Variants in PACRGL observed in about 807,000 individuals in gnomAD.
The protein encoded by PACRGL is PACRG-like protein.
PACRGL carries 38 observed loss-of-function variants against 34.5 expected under a neutral mutation model. The observed-to-expected ratio is 1.10, with a 90% CI of 0.85 to 1.44. The LOEUF (loss-of-function observed/expected upper bound fraction) is 1.44. Among genes scored for constraint, PACRGL ranks in the 40% most tolerant of loss-of-function variants. The pLI is 0.00. For synonymous variants in PACRGL, 128 were observed against 100.1 expected, an observed-to-expected ratio of 1.28 and a Z score of -1.66; for missense variants, 305 against 281.4, an observed-to-expected ratio of 1.08 and a Z score of -0.60.
At chr4:20,711,881 C>T (rs956758343) in intron 5 of PACRGL, among the ~76,000 whole-genome samples, 1 of 151,950 alleles carries the variant, frequency 6.6e-6, no homozygotes, top group Non-Finnish European at 1.5e-5. Flanking sequence ...CTTAACATGC[C>T]TTTAAAATGC....
chr4:20,763,891 C>T, the PACRGL span, among the ~76,000 whole-genome samples: 1 of 152,096 alleles, frequency 6.6e-6, no homozygotes, highest in African/African-American at 2.4e-5. Flanking sequence ...AGTCATTTAG[C>T]AGTATAAATT....
At chr4:20,725,519 G>C (rs543679292) in intron 8 of PACRGL, among the ~76,000 whole-genome samples, 25 of 152,266 alleles carry the variant, frequency 1.6e-4, no homozygotes, top group Non-Finnish European at 2.9e-4. Flanking sequence ...GAAGCATTCA[G>C]ATAATCTCGT....
At chr4:20,759,037 CA>C in the PACRGL span, 1 of 589,192 alleles carries the variant, frequency 1.7e-6, no homozygotes, top group Middle Eastern at 2.6e-4. Context: ...AATAAAAGCA[CA>C]CTATAAACTT....
intron 8 of PACRGL, among the ~76,000 whole-genome samples, chr4:20,741,107 C>T (rs1402746117): frequency 6.6e-6 from 1 of 152,096 alleles, no homozygotes; most frequent in African/African-American, 2.4e-5. Context: ...CTTAGACTCC[C>T]ACACAATAAT....
At chr4:20,743,694 C>G (rs1751723426) in intron 8 of PACRGL, among the ~76,000 whole-genome samples, 1 of 152,102 alleles carries the variant, frequency 6.6e-6, no homozygotes, top group African/African-American at 2.4e-5. Flanking sequence ...CAATACCATT[C>G]AGGACATAGG....
Position 20,721,084 on chromosome 4 carries a change from A to G in PACRGL, c.610-3724A>G, listed in dbSNP as rs188238633. 5.2e-3 allele frequency among the ~76,000 whole-genome samples: 784 copies of G among 152,166 alleles called. 6 individuals are homozygous for G. Among genetic ancestry groups the G allele is most frequent in the Middle Eastern group, 0.024 (7 of 294 alleles). The stretch of plus-strand genomic sequence containing the variant: ...CTTCATTTCATTCATTTGATCTTCA[A>G]TCACTGATACCCTTTCTTCCACTCG... On this transcript the variant is annotated intron_variant, in intron 7 of 8. Transcript: ENST00000503585.
At chr4:20,699,222 GA>G (rs531635952), upstream of PACRGL, among the ~76,000 whole-genome samples, 15 of 129,938 alleles carry the variant, frequency 1.2e-4, no homozygotes, top group South Asian at 2.2e-3. Flanking sequence ...CAGGATATAA[GA>G]TTTTTTTTTT....
chr4:20,737,947 C>T (rs538384063), intron 8 of PACRGL, among the ~76,000 whole-genome samples: 12 of 152,096 alleles, frequency 7.9e-5, no homozygotes, highest in East Asian at 5.8e-4. Context: ...GCCTGAGCAA[C>T]GCAGCCAGAT....
chr4:20,734,701 C>T, downstream of PACRGL: 2 of 1,592,774 alleles, frequency 1.3e-6, no homozygotes, highest in Non-Finnish European at 1.7e-6. Flanking sequence ...TTGTACTGTC[C>T]CCCGGAGCAA....
chr4:20,751,328 T>C (rs563694774), intron 8 of PACRGL, among the ~76,000 whole-genome samples: 132 of 152,292 alleles, frequency 8.7e-4, no homozygotes, highest in African/African-American at 2.8e-3. Context: ...GAAGAAATTC[T>C]TTTGCATATG....
intron 7 of PACRGL, 84 bp downstream of exon 7, chr4:20,713,623 C>A: frequency 8.6e-7 from 1 of 1,159,704 alleles, no homozygotes; most frequent in Non-Finnish European, 1.3e-6. Context: ...AATTTCAAAT[C>A]TTCAACTCAA....
downstream of PACRGL, among the ~76,000 whole-genome samples, chr4:20,735,179 GA>G (rs1180576006): frequency 6.6e-6 from 1 of 152,186 alleles, no homozygotes; most frequent in Non-Finnish European, 1.5e-5. Flanking sequence ...TCTTTAATTA[GA>G]AATCCAGTTA....
Position 20,730,023 on chromosome 4 carries a change from C to CTT in PACRGL, c.*2684_*2685dup, listed in dbSNP as rs1463485614. Reference sequence around the variant, plus strand: ...TCTATGCTAAAAGTGGTAGCTCCAACTTTAAGGGTGGTAGAATAGTTCACA... The same window carrying CTT: ...TCTATGCTAAAAGTGGTAGCTCCAACTTTTTAAGGGTGGTAGAATAGTTCACA... On this transcript the variant is annotated 3_prime_UTR_variant, in exon 9 of 9. Coordinates refer to ENST00000503585, the MANE Select transcript of PACRGL (RefSeq NM_001258345.3). 1 of 1,552,262 alleles carries CTT rather than the reference C, an allele frequency of 6.4e-7. No homozygotes were observed. The highest frequency in any genetic ancestry group is 2.0e-5 in the Admixed American group (1 of 49,756).
chr4:20,753,143 C>T (rs1463468857), downstream of PACRGL, among the ~76,000 whole-genome samples: 1 of 152,074 alleles, frequency 6.6e-6, no homozygotes, highest in African/African-American at 2.4e-5. Context: ...GGTGGGAAGA[C>T]ATTTTGGATA....
intron 1 of PACRGL, chr4:20,702,038 A>G (rs1732405631): frequency 6.8e-6 from 3 of 438,320 alleles, no homozygotes; most frequent in African/African-American, 2.0e-5. Flanking sequence ...GTATACTCAT[A>G]AACTGTAGAA....
intron 7 of PACRGL, chr4:20,718,868 C>T (rs1263166076): frequency 6.6e-6 from 1 of 152,252 alleles, no homozygotes; most frequent in Non-Finnish European, 1.5e-5. Context: ...GGAGGATTCC[C>T]TCTTTTTCTA....
chr4:20,752,261 G>A (rs894129051), intron 8 of PACRGL, among the ~76,000 whole-genome samples: 2 of 151,734 alleles, frequency 1.3e-5, no homozygotes, highest in South Asian at 2.1e-4. Context: ...GTTTCATCAC[G>A]TTGGCCAGAC....
chr4:20,708,012 G>T, intron 4 of PACRGL, 142 bp downstream of exon 4: 2 of 674,692 alleles, frequency 3.0e-6, no homozygotes, highest in South Asian at 4.0e-5. Flanking sequence ...CTTTCTTTTG[G>T]ACTGGTATAG....
downstream of PACRGL, among the ~76,000 whole-genome samples, chr4:20,736,692 G>A (rs75653933): frequency 2.2e-3 from 341 of 152,082 alleles, 8 homozygotes; most frequent in East Asian, 0.043. Context: ...TCGCTTTTAA[G>A]CATGATACTT....
Sources: allele counts gnomAD v4.1 joint callset (sites outside exome capture counted in the v4.1 genomes callset), GRCh38; gene constraint gnomAD v4.1.1; transcripts MANE v1.5; gene names NCBI Gene and HGNC (gene_info 2026-07-23, HGNC 2026-07-21).